CACNA2D3: variants seen among roughly 807,000 people sequenced by gnomAD.
The protein encoded by CACNA2D3 is calcium voltage-gated channel auxiliary subunit alpha2delta 3, also known as voltage-dependent calcium channel subunit alpha-2/delta-3.
CACNA2D3 carries 60 observed loss-of-function variants against 160.6 expected under a neutral mutation model. That is an observed-to-expected ratio of 0.37 (90% CI 0.30 to 0.46). The LOEUF (loss-of-function observed/expected upper bound fraction) is 0.46. CACNA2D3 is among the 20% of genes least tolerant of loss of function. The pLI is 1.00. For missense variants in CACNA2D3, 1,205 were observed against 1,365.0 expected, an observed-to-expected ratio of 0.88 and a Z score of 1.85; for synonymous variants, 558 against 492.9, an observed-to-expected ratio of 1.13 and a Z score of -1.75.
At chr3:55,016,848 A>G (rs1398259458) in intron 34 of CACNA2D3, among the ~76,000 whole-genome samples, 3 of 152,222 alleles carry the variant, frequency 2.0e-5, no homozygotes, top group Admixed American at 6.5e-5. Flanking sequence ...AAAAGCCTAC[A>G]TATAAGAAAC....
chr3:54,947,502 G>A (rs539386666), intron 27 of CACNA2D3, among the ~76,000 whole-genome samples: 4 of 152,264 alleles, frequency 2.6e-5, no homozygotes, highest in African/African-American at 9.6e-5. Flanking sequence ...CTGTGTACCT[G>A]CAGGAGAACC....
chr3:54,745,708 G>A (rs1489914028), intron 11 of CACNA2D3, among the ~76,000 whole-genome samples: 1 of 152,148 alleles, frequency 6.6e-6, no homozygotes, highest in African/African-American at 2.4e-5. Flanking sequence ...TCTCTGGATG[G>A]CCAAGAAACA....
intron 4 of CACNA2D3, among the ~76,000 whole-genome samples, chr3:54,487,292 C>T (rs1006528120): frequency 1.3e-5 from 2 of 152,152 alleles, no homozygotes; most frequent in Non-Finnish European, 2.9e-5. Context: ...CGCTTGAGCC[C>T]AGGAGGTTGA....
intron 13 of CACNA2D3, among the ~76,000 whole-genome samples, chr3:54,794,382 C>T (rs895481462): frequency 4.6e-5 from 7 of 152,110 alleles, no homozygotes; most frequent in African/African-American, 1.7e-4. Flanking sequence ...TTTACTTCCA[C>T]ATATGTTATA....
At chr3:54,779,694 C>G (rs1040502122) in intron 13 of CACNA2D3, among the ~76,000 whole-genome samples, 1 of 152,162 alleles carries the variant, frequency 6.6e-6, no homozygotes, top group Non-Finnish European at 1.5e-5. Flanking sequence ...TGGAAAGACT[C>G]CCCTGCTGCT....
At chr3:54,662,735 G>T (rs1379064337) in intron 11 of CACNA2D3, among the ~76,000 whole-genome samples, 1 of 152,228 alleles carries the variant, frequency 6.6e-6, no homozygotes, top group East Asian at 1.9e-4. Context: ...GGTGCTGTTG[G>T]TGGAAAGTGT....
intron 4 of CACNA2D3, among the ~76,000 whole-genome samples, chr3:54,473,768 C>G (rs1700778895): frequency 6.6e-6 from 1 of 152,084 alleles, no homozygotes; most frequent in African/African-American, 2.4e-5. Flanking sequence ...ATGCGGCCAA[C>G]AAACATATGA....
At position 55,026,187 on chromosome 3, in the gene CACNA2D3, T is replaced by C. The variant is rs116088968; in HGVS notation, c.2987+7870T>C. ...TGATTTCTAACATCATGGAATGGTT[T>C]TGCCTGTTTCTTATTGCTAACTTGT... On this transcript the variant is annotated intron_variant, in intron 35 of 37. Transcript: ENST00000474759. Among the ~76,000 whole-genome samples, 1,263 of 152,290 alleles carry C rather than the reference T, an allele frequency of 8.3e-3. 22 individuals carry two copies. The highest frequency in any genetic ancestry group is 0.029 in the African/African-American group (1,189 of 41,550).
At chr3:54,137,977 G>T (rs887263684) in intron 2 of CACNA2D3, among the ~76,000 whole-genome samples, 1 of 152,196 alleles carries the variant, frequency 6.6e-6, no homozygotes, top group African/African-American at 2.4e-5. Context: ...CAGTAATAAC[G>T]ATCAGTGGTG....
At chr3:54,707,668 A>G (rs1160682139) in intron 11 of CACNA2D3, among the ~76,000 whole-genome samples, 2 of 152,160 alleles carry the variant, frequency 1.3e-5, no homozygotes, top group African/African-American at 4.8e-5. Flanking sequence ...GTATGATGAT[A>G]AAGCCTTTGA....
intron 27 of CACNA2D3, among the ~76,000 whole-genome samples, chr3:54,944,535 G>T (rs564829708): frequency 2.0e-5 from 3 of 151,800 alleles, no homozygotes; most frequent in African/African-American, 7.3e-5. Context: ...ATTCCCCTGC[G>T]TCAGCCTCCT....
rs1348084716 is a variant in CACNA2D3 at position 54,891,360 on chromosome 3, C to A, written c.2156C>A (p.Ser719Tyr). ...CGTCTGTTGTTCTGTTTCAGAAATT[C>A]TGACAAGGGCGTGGAGGTTGCCTTC... ...TSLALNKSENSDKGVEVAFLG... is the reference protein window; with the variant it reads ...TSLALNKSENYDKGVEVAFLG... The change falls in exon 25 of 38, where the codon TCT (serine) becomes TAT (tyrosine). Residue 719 changes from serine (S) to tyrosine (Y), a missense_variant. Ser to Tyr is a moderately radical substitution (Grantham distance 144, BLOSUM62 -2). Transcript: ENST00000474759. 6.2e-7 allele frequency: 1 copy of A among 1,613,300 alleles called. No homozygotes were observed. The highest frequency in any genetic ancestry group is 1.1e-5 in the South Asian group (1 of 91,056).
intron 13 of CACNA2D3, among the ~76,000 whole-genome samples, chr3:54,792,554 C>G (rs1406405870): frequency 6.6e-6 from 1 of 152,162 alleles, no homozygotes; most frequent in Non-Finnish European, 1.5e-5. Flanking sequence ...CTTGCCATCT[C>G]TTGGCTCTGT....
intron 13 of CACNA2D3, among the ~76,000 whole-genome samples, chr3:54,776,326 A>G (rs1702423770): frequency 6.6e-6 from 1 of 152,154 alleles, no homozygotes; most frequent in African/African-American, 2.4e-5. Flanking sequence ...TGGGCAACAT[A>G]GTGAGACCCC....
chr3:54,446,945 C>G (rs146448346), intron 4 of CACNA2D3, among the ~76,000 whole-genome samples: 1 of 152,186 alleles, frequency 6.6e-6, no homozygotes, highest in African/African-American at 2.4e-5. Context: ...AATTGTGCAT[C>G]CTTCAAGGTG....
chr3:54,593,753 G>A (rs1702903629), intron 9 of CACNA2D3, among the ~76,000 whole-genome samples: 1 of 152,032 alleles, frequency 6.6e-6, no homozygotes, highest in Non-Finnish European at 1.5e-5. Context: ...ATAAGCACAG[G>A]CAATAGATAC....
intron 30 of CACNA2D3, among the ~76,000 whole-genome samples, chr3:54,985,546 C>T (rs1702596355): frequency 6.6e-6 from 1 of 152,142 alleles, no homozygotes; most frequent in Admixed American, 6.5e-5. Context: ...TCAGCAAGTT[C>T]CTTAACTTGT....
At chr3:54,614,320 A>G (rs1698805559) in intron 9 of CACNA2D3, among the ~76,000 whole-genome samples, 1 of 152,192 alleles carries the variant, frequency 6.6e-6, no homozygotes, top group African/African-American at 2.4e-5. Context: ...CCCAGGGCAG[A>G]GCCTGTCTTA....
At chr3:54,240,861 C>T (rs149227246) in intron 2 of CACNA2D3, among the ~76,000 whole-genome samples, 4 of 152,216 alleles carry the variant, frequency 2.6e-5, no homozygotes, top group East Asian at 3.9e-4. Flanking sequence ...CCTGTCTCAG[C>T]CTTCCGAGTA....
Sources: gnomAD v4.1 joint callset for allele counts (sites outside exome capture counted in the v4.1 genomes callset) on GRCh38, gnomAD v4.1.1 for gene constraint, MANE v1.5 for transcripts, NCBI Gene and HGNC (gene_info 2026-07-23, HGNC 2026-07-21) for gene names.